MSMO1: variants seen among roughly 807,000 people sequenced by gnomAD.
MSMO1 encodes methylsterol monooxygenase 1, also known as C-4 methylsterol oxidase.
MSMO1 carries 18 observed loss-of-function variants against 30.4 expected under a neutral mutation model. That is an observed-to-expected ratio of 0.59 (90% confidence interval 0.41 to 0.88). MSMO1 has a LOEUF of 0.88. Ranked by LOEUF, MSMO1 falls within the 40% of genes least tolerant of loss-of-function variation. The pLI, the probability that MSMO1 is intolerant of heterozygous loss-of-function variation, is 0.00. For synonymous variants in MSMO1, 84 were observed against 107.9 expected (o/e 0.78, Z 1.37); for missense variants, 284 against 340.5 (o/e 0.83, Z 1.31).
At position 165,338,717 on chromosome 4, in the gene MSMO1, A is replaced by G. The variant is rs917257211; in HGVS notation, c.470A>G (p.His157Arg). 1 of 1,601,602 alleles carries G rather than the reference A, an allele frequency of 6.2e-7. No homozygotes were observed. Among genetic ancestry groups the G allele is most frequent in the Non-Finnish European group, 8.6e-7 (1 of 1,168,726 alleles). ...GAAGATACTTGGCACTATTTTCTGC[A>G]TAGACTCTTACACCACAAAAGAATA... is the stretch of plus-strand genomic sequence containing the variant. Reference protein sequence around the residue: ...VIEDTWHYFLHRLLHHKRIYK... With the variant: ...VIEDTWHYFLRRLLHHKRIYK... Residue 157 changes from histidine to arginine, a missense_variant, in exon 4 of 6, where the codon CAT becomes CGT. Coordinates refer to ENST00000261507, the MANE Select transcript of MSMO1 (RefSeq NM_006745.5).
intron 4 of MSMO1, among the ~76,000 whole-genome samples, chr4:165,339,971 C>CTCGATAAA (rs1747672345): frequency 6.6e-6 from 1 of 152,182 alleles, no homozygotes; most frequent in African/African-American, 2.4e-5. Flanking sequence ...AATCCTTCTT[C>CTCGATAAA]AGGAAACCTC....
chr4:165,340,251 C>G lies in MSMO1; in HGVS notation c.562C>G (p.His188Asp). The change falls in exon 5 of 6, where the codon CAT becomes GAT. Residue 188 changes from histidine (H) to aspartate (D), a missense_variant. His to Asp is a moderately conservative substitution (Grantham distance 81). Transcript: ENST00000261507. ...APFGMEAEYA[H>D]PLETLILGTG... The stretch of plus-strand genomic sequence containing the variant: ...ATTTGGAATGGAAGCTGAATATGCA[C>G]ATCCTTTGGAGACTCTAATTCTTGG... The G allele has an allele frequency of 6.2e-7, 1 of 1,613,950 alleles. No individual in the cohort carries two copies. Among genetic ancestry groups the G allele is most frequent in the Non-Finnish European group, 8.5e-7 (1 of 1,179,938 alleles).
rs554289467 is a variant in MSMO1, at chr4:165,327,700, C to G, written c.-96C>G. On this transcript the variant is annotated 5_prime_UTR_variant, in exon 1 of 6. Coordinates refer to ENST00000261507, the MANE Select transcript of MSMO1 (RefSeq NM_006745.5). The stretch of plus-strand genomic sequence containing the variant: ...ACCCCCAAGCCAGGCGAGGCAGGTT[C>G]CGAGGTTGGAACACCTGGCGAGTCC... 1 of 152,346 alleles carries G rather than the reference C, an allele frequency of 6.6e-6. No individual in the cohort carries two copies. Among genetic ancestry groups the G allele is most frequent in the Non-Finnish European group, 1.5e-5 (1 of 68,164 alleles). 9.4% of individuals were successfully genotyped at this position (152,346 alleles called of 1,614,324 possible). A position where few individuals can be genotyped will look rare whatever the true frequency, so the allele number is the denominator to read the frequency against.
intron 1 of MSMO1, among the ~76,000 whole-genome samples, chr4:165,331,879 CAT>C (rs1376857102): frequency 2.6e-5 from 4 of 152,170 alleles, no homozygotes; most frequent in South Asian, 2.1e-4. Context: ...GTGCAAAAGA[CAT>C]ATGTCAGATT....
In MSMO1 at chr4:165,338,725, T is replaced by C. The variant is rs1435502662; in HGVS notation, c.478T>C (p.Leu160=). 5 of 1,597,814 alleles carry C rather than the reference T, an allele frequency of 3.1e-6. No individual in the cohort carries two copies. Among genetic ancestry groups the C allele is most frequent in the Non-Finnish European group, 4.3e-6 (5 of 1,165,332 alleles). The change falls in exon 4 of 6, where the codon TTA becomes CTA. Residue 160 remains leucine (L), a synonymous_variant. Coordinates refer to ENST00000261507, the MANE Select transcript of MSMO1 (RefSeq NM_006745.5). ...TTGGCACTATTTTCTGCATAGACTCTTACACCACAAAAGAATATACAAGTA... is the reference window on the plus strand; with the variant it reads ...TTGGCACTATTTTCTGCATAGACTCCTACACCACAAAAGAATATACAAGTA... ...DTWHYFLHRL[L]HHKRIYKYIH...
Position 165,340,489 on chromosome 4 carries a change from TTA to T in MSMO1, c.686+118_686+119del. ...ATAGGAGAAGTTAATCTTCTTAATG[TTA>T]TATTAAGAAAACATAACTGTTGGAT... On this transcript the variant is annotated intron_variant, in intron 5 of 5. Coordinates refer to ENST00000261507, the MANE Select transcript of MSMO1 (RefSeq NM_006745.5). 3.4e-6 allele frequency: 3 copies of T among 885,028 alleles called. No individual in the cohort carries two copies. In the South Asian group the frequency reaches 4.5e-5, roughly 13 times the overall value. 54.8% of individuals were successfully genotyped at this position (885,028 alleles called of 1,614,324 possible).
Position 165,340,322 on chromosome 4 carries a change from T to A in MSMO1, c.633T>A (p.Ile211=). The A allele has an allele frequency of 1.2e-6, 2 of 1,613,962 alleles. No homozygotes were observed. Among genetic ancestry groups the A allele is most frequent in the Non-Finnish European group, 1.7e-6 (2 of 1,179,912 alleles). ...IGIVLLCDHV[I]LLWAWVTIRL... The stretch of plus-strand genomic sequence containing the variant: ...TCGTGCTTTTGTGTGATCATGTAAT[T>A]CTTCTTTGGGCATGGGTGACCATTC... The change falls in exon 5 of 6, where the codon ATT becomes ATA. Residue 211 remains isoleucine (I), a synonymous_variant. Coordinates refer to ENST00000261507, the MANE Select transcript of MSMO1 (RefSeq NM_006745.5).
chr4:165,327,850 G>C (rs1473811272), intron 1 of MSMO1, 86 bp downstream of exon 1: 9 of 152,502 alleles, frequency 5.9e-5, no homozygotes, highest in African/African-American at 2.2e-4. Flanking sequence ...CGAGGGGAGC[G>C]GGTTCTGGGT....
In MSMO1 at chr4:165,338,637, A is replaced by G. The variant is rs1238754239; in HGVS notation, c.405-15A>G. On this transcript the variant is annotated splice_polypyrimidine_tract_variant and intron_variant, in intron 3 of 5. Coordinates refer to ENST00000261507, the MANE Select transcript of MSMO1 (RefSeq NM_006745.5). ...AAAATTATTTCTTACACATTACAACATTTTTATCTTAAAGGTATTTTCTTT... is the reference window on the plus strand; with the variant it reads ...AAAATTATTTCTTACACATTACAACGTTTTTATCTTAAAGGTATTTTCTTT... 4 of 1,601,832 alleles carry G rather than the reference A, an allele frequency of 2.5e-6. No individual in the cohort carries two copies. Among genetic ancestry groups the G allele is most frequent in the Middle Eastern group, 1.7e-4 (1 of 6,030 alleles).
rs1010757437 is a variant in MSMO1 at position 165,331,889 on chromosome 4, A to AT, written c.-31-1442dup. Among the ~76,000 whole-genome samples, 13 of 151,374 alleles carry AT rather than the reference A, an allele frequency of 8.6e-5. 1 individual carries two copies. Among genetic ancestry groups the AT allele is most frequent in the African/African-American group, 1.7e-4 (7 of 41,138 alleles). On this transcript the variant is annotated intron_variant, in intron 1 of 5. Coordinates refer to ENST00000261507, the MANE Select transcript of MSMO1 (RefSeq NM_006745.5). ...AAATTGTGCAAAAGACATATGTCAG[A>AT]TTTTTTTTTCTGTCTTCCATAACAC...
chr4:165,337,853 G>C lies in MSMO1; in HGVS notation c.320G>C (p.Cys107Ser). The change falls in exon 3 of 6, where the codon TGT becomes TCT. Residue 107 changes from cysteine to serine, a missense_variant. Coordinates refer to ENST00000261507, the MANE Select transcript of MSMO1 (RefSeq NM_006745.5). ...AAAGTTCTTCTCTTTAATCACTTCT[G>C]TATCCAGCTGCCTTTGATTTGTGGA... ...CFKVLLFNHF[C>S]IQLPLICGTY... is the part of the protein sequence containing the mutation. 1.2e-6 allele frequency: 2 copies of C among 1,613,136 alleles called. No homozygotes were observed. Among genetic ancestry groups the C allele is most frequent in the Non-Finnish European group, 1.7e-6 (2 of 1,179,342 alleles).
At chr4:165,338,451 G>A (rs887288134) in intron 3 of MSMO1, among the ~76,000 whole-genome samples, 1 of 151,878 alleles carries the variant, frequency 6.6e-6, no homozygotes, top group Non-Finnish European at 1.5e-5. Flanking sequence ...TGGTCTAATG[G>A]GCAGTCTCTT....
At chr4:165,334,793 A>G (rs1481620721) in intron 2 of MSMO1, among the ~76,000 whole-genome samples, 3 of 152,224 alleles carry the variant, frequency 2.0e-5, no homozygotes, top group African/African-American at 7.2e-5. Context: ...ACTCAGGGGC[A>G]CACAGTCTTG....
At chr4:165,341,025 A>G (rs1046989753) in intron 5 of MSMO1, among the ~76,000 whole-genome samples, 4 of 146,912 alleles carry the variant, frequency 2.7e-5, no homozygotes, top group South Asian at 4.6e-4. Context: ...AAAAATTGTA[A>G]TTGACATTTC....
At chr4:165,338,824 C>T in intron 4 of MSMO1, 46 bp downstream of exon 4, 1 of 1,480,592 alleles carries the variant, frequency 6.8e-7, no homozygotes, top group African/African-American at 1.4e-5. Flanking sequence ...GGCAAAATGT[C>T]TATTTTAATT....
At chr4:165,330,662 T>C (rs576978726) in intron 1 of MSMO1, among the ~76,000 whole-genome samples, 2 of 152,362 alleles carry the variant, frequency 1.3e-5, no homozygotes, top group Non-Finnish European at 2.9e-5. Context: ...GGGAGCCAGA[T>C]TGCAAGTAGC....
intron 2 of MSMO1, 66 bp from the exon 3 acceptor site, chr4:165,337,723 C>G: frequency 6.6e-7 from 1 of 1,521,182 alleles, no homozygotes; most frequent in Non-Finnish European, 9.1e-7. Flanking sequence ...AAACAGAGAA[C>G]AAATTAGGTC....
At chr4:165,334,129 C>A (rs1239934013) in intron 2 of MSMO1, among the ~76,000 whole-genome samples, 1 of 152,166 alleles carries the variant, frequency 6.6e-6, no homozygotes, top group Admixed American at 6.6e-5. Flanking sequence ...AATCAGTAAT[C>A]AAATTCTAAA....
chr4:165,334,578 G>A (rs1747489847), intron 2 of MSMO1, among the ~76,000 whole-genome samples: 2 of 152,138 alleles, frequency 1.3e-5, no homozygotes, highest in Non-Finnish European at 2.9e-5. Flanking sequence ...GATGCTCCTC[G>A]TTTCTGGATA....
Sources: gnomAD v4.1 joint callset for allele counts (sites outside exome capture counted in the v4.1 genomes callset) on GRCh38, gnomAD v4.1.1 for gene constraint, MANE v1.5 for transcripts, NCBI Gene and HGNC (gene_info 2026-07-23, HGNC 2026-07-21) for gene names.